The following ADAMTSL3 variants were observed in gnomAD, a reference collection of about 807,000 sequenced individuals.
ADAMTSL3 encodes ADAMTS-like protein 3.
ADAMTSL3 carries 128 observed loss-of-function variants against 201.7 expected under a neutral mutation model. That is an observed-to-expected ratio of 0.63 (90% confidence interval 0.55 to 0.73). The LOEUF (loss-of-function observed/expected upper bound fraction) is 0.73, where lower values mean the gene tolerates loss of function less well. Among genes scored for constraint, ADAMTSL3 ranks in the 30% least tolerant of loss-of-function variants. The probability of loss-of-function intolerance (pLI) is 0.00; values close to 1 mark genes in which losing one functional copy is unlikely to be tolerated. For synonymous variants in ADAMTSL3, 738 were observed against 748.4 expected (o/e 0.99, Z 0.23); for missense variants, 1,990 against 2,119.6 (o/e 0.94, Z 1.20).
chr15:83,947,983 A>G (rs1433150205), intron 19 of ADAMTSL3, among the ~76,000 whole-genome samples: 1 of 152,150 alleles, frequency 6.6e-6, no homozygotes, highest in Non-Finnish European at 1.5e-5. Context: ...AACACTTATG[A>G]TCATCTCTGA....
At chr15:83,866,648 T>C (rs1353606163) in intron 8 of ADAMTSL3, among the ~76,000 whole-genome samples, 2 of 152,106 alleles carry the variant, frequency 1.3e-5, no homozygotes, top group Non-Finnish European at 2.9e-5. Flanking sequence ...TTAGGAGATA[T>C]ACCTCATGTT....
intron 3 of ADAMTSL3, among the ~76,000 whole-genome samples, chr15:83,712,983 C>T (rs1026367532): frequency 6.6e-6 from 1 of 152,202 alleles, no homozygotes; most frequent in Non-Finnish European, 1.5e-5. Flanking sequence ...TCCTTTTAAT[C>T]TCTAAGAGAC....
At chr15:83,850,708 T>C (rs1287034735) in intron 7 of ADAMTSL3, among the ~76,000 whole-genome samples, 1 of 152,132 alleles carries the variant, frequency 6.6e-6, no homozygotes, top group East Asian at 1.9e-4. Flanking sequence ...CAAAGCACAT[T>C]AACAGTCTCT....
rs553919887 is a variant in ADAMTSL3, at chr15:84,013,449, T to C, written c.3974-1093T>C. Among the ~76,000 whole-genome samples, 3 of 152,194 alleles carry C rather than the reference T, an allele frequency of 2.0e-5. No homozygotes were observed. The South Asian group carries it at 6.2e-4, about 32-fold the overall frequency. On this transcript the variant is annotated intron_variant, in intron 23 of 29. Transcript: ENST00000286744. ...CAGAGCACTGTAAGAGGAGAAAACA[T>C]CCCCCAAAACAGTTGTCTAGAGCAA...
At chr15:83,885,536 A>T (rs1169504336) in intron 10 of ADAMTSL3, among the ~76,000 whole-genome samples, 1 of 151,988 alleles carries the variant, frequency 6.6e-6, no homozygotes, top group Admixed American at 6.6e-5. Context: ...TATTATTTTT[A>T]ATTTTCTATG....
At chr15:83,774,094 T>C (rs1468806151) in intron 4 of ADAMTSL3, among the ~76,000 whole-genome samples, 2 of 152,220 alleles carry the variant, frequency 1.3e-5, no homozygotes, top group Non-Finnish European at 2.9e-5. Context: ...TTTGCAAAAA[T>C]GTAAAATCAG....
chr15:83,818,775 C>T (rs1369578726), intron 5 of ADAMTSL3, among the ~76,000 whole-genome samples: 7 of 152,060 alleles, frequency 4.6e-5, no homozygotes, highest in Admixed American at 3.9e-4. Flanking sequence ...GTAAAAAGAC[C>T]GATGAGTCAT....
chr15:83,831,038 G>A (rs1006444984), intron 6 of ADAMTSL3, among the ~76,000 whole-genome samples: 1 of 152,172 alleles, frequency 6.6e-6, no homozygotes, highest in African/African-American at 2.4e-5. Context: ...AATCAAAAGA[G>A]TTGATAGGCA....
intron 2 of ADAMTSL3, among the ~76,000 whole-genome samples, chr15:83,667,298 C>T (rs556930409): frequency 6.6e-6 from 1 of 152,078 alleles, no homozygotes; most frequent in African/African-American, 2.4e-5. Context: ...AAGGCAAGAC[C>T]TCCCTTCATT....
At chr15:84,011,611 C>T (rs1204008042) in intron 23 of ADAMTSL3, among the ~76,000 whole-genome samples, 2 of 151,310 alleles carry the variant, frequency 1.3e-5, no homozygotes, top group Non-Finnish European at 2.9e-5. Flanking sequence ...TACAATAAGA[C>T]AAGAAAAAGA....
intron 17 of ADAMTSL3, 43 bp downstream of exon 17, chr15:83,924,076 G>A (rs2066202864): frequency 1.2e-6 from 2 of 1,607,176 alleles, no homozygotes; most frequent in African/African-American, 2.7e-5. Context: ...GTGTCCGGGT[G>A]GTAACACCCT....
intron 7 of ADAMTSL3, among the ~76,000 whole-genome samples, chr15:83,838,984 CTT>C (rs1402730531): frequency 6.6e-6 from 1 of 152,154 alleles, no homozygotes; most frequent in Non-Finnish European, 1.5e-5. Context: ...TCCAATGAAA[CTT>C]TATTTACAAA....
chr15:83,763,988 T>C lies in ADAMTSL3; in HGVS notation c.190-9535T>C, dbSNP rs1244731912. Among the ~76,000 whole-genome samples the C allele has an allele frequency of 2.0e-5, 3 of 152,224 alleles. No homozygotes were observed. In the East Asian group the frequency reaches 5.8e-4, roughly 29 times the overall value. On this transcript the variant is annotated intron_variant, in intron 3 of 29. Transcript: ENST00000286744. ...TGAGAATCCTACCTCAAGGGTGGGCTTGAGGATGCTTGGGAAGCCTGAATG... is the reference window on the plus strand; with the variant it reads ...TGAGAATCCTACCTCAAGGGTGGGCCTGAGGATGCTTGGGAAGCCTGAATG...
intron 17 of ADAMTSL3, among the ~76,000 whole-genome samples, chr15:83,939,150 A>G (rs1567249893): frequency 6.6e-6 from 1 of 152,126 alleles, no homozygotes; most frequent in Non-Finnish European, 1.5e-5. Context: ...ACCATGTAAC[A>G]TTATTTTTCA....
At position 83,898,191 on chromosome 15, in the gene ADAMTSL3, CTG is replaced by C. The variant is rs112127952; in HGVS notation, c.1615+187_1615+188del. ...GTGAATTATTCATCTGGAGGGAAAA[CTG>C]AGCTCCTGTTGATTCAGTACAGATG... On this transcript the variant is annotated intron_variant, in intron 14 of 29. Coordinates refer to ENST00000286744, the MANE Select transcript of ADAMTSL3 (RefSeq NM_207517.3). 8.5e-3 allele frequency among the ~76,000 whole-genome samples: 1,301 copies of C among 152,166 alleles called. 17 individuals are homozygous for C. The highest frequency in any genetic ancestry group is 0.029 in the African/African-American group (1,214 of 41,512).
intron 9 of ADAMTSL3, among the ~76,000 whole-genome samples, chr15:83,872,157 A>T (rs2065092365): frequency 6.6e-6 from 1 of 152,176 alleles, no homozygotes; most frequent in Non-Finnish European, 1.5e-5. Context: ...AGAGATTTTT[A>T]CATCAAAAGA....
At chr15:83,896,466 C>T (rs745439173) in intron 13 of ADAMTSL3, among the ~76,000 whole-genome samples, 13 of 152,046 alleles carry the variant, frequency 8.6e-5, no homozygotes, top group Non-Finnish European at 1.9e-4. Flanking sequence ...ACATTGTGAA[C>T]TCTGGACTTG....
chr15:83,930,092 A>G (rs760543823), intron 17 of ADAMTSL3, among the ~76,000 whole-genome samples: 2 of 152,220 alleles, frequency 1.3e-5, no homozygotes, highest in East Asian at 1.9e-4. Flanking sequence ...GATCAGGGAC[A>G]TGGGATAAAG....
chr15:83,806,042 A>T (rs1490572366), intron 5 of ADAMTSL3, among the ~76,000 whole-genome samples: 1 of 143,328 alleles, frequency 7.0e-6, no homozygotes, highest in Non-Finnish European at 1.5e-5. Flanking sequence ...CCCACCTCCC[A>T]TGACCCAGGC....
Sources: gnomAD v4.1 joint callset for allele counts (sites outside exome capture counted in the v4.1 genomes callset) on GRCh38, gnomAD v4.1.1 for gene constraint, MANE v1.5 for transcripts, NCBI Gene and HGNC (gene_info 2026-07-23, HGNC 2026-07-21) for gene names.